The following COX17 variants were observed in gnomAD, a reference collection of about 807,000 sequenced individuals.
The protein encoded by COX17 is cytochrome c oxidase copper chaperone COX17, also known as cytochrome c oxidase copper chaperone.
COX17 carries 1 observed loss-of-function variant against 6.3 expected under a neutral mutation model. The observed-to-expected ratio is 0.16, with a 90% CI of 0.06 to 0.75. The LOEUF is 0.75. Ranked by LOEUF, COX17 falls within the 30% of genes least tolerant of loss-of-function variation. The pLI, the probability that COX17 is intolerant of heterozygous loss-of-function variation, is 0.77. For missense variants in COX17, 73 were observed against 81.2 expected, an observed-to-expected ratio of 0.90 and a Z score of 0.39; for synonymous variants, 26 against 30.5, an observed-to-expected ratio of 0.85 and a Z score of 0.49.
At chr3:119,673,484 C>A (rs1258581238) in intron 2 of COX17, among the ~76,000 whole-genome samples, 1 of 152,236 alleles carries the variant, frequency 6.6e-6, no homozygotes, top group African/African-American at 2.4e-5. Context: ...TTCAGTACCT[C>A]ACTCTCACCA....
chr3:119,677,038 G>C, intron 1 of COX17, 166 bp downstream of exon 1: 1 of 499,118 alleles, frequency 2.0e-6, no homozygotes, highest in Admixed American at 3.1e-5. Flanking sequence ...GGGGGGGGCA[G>C]ACAGGGAGGA....
At chr3:119,671,002 T>G (rs1245754614) in intron 2 of COX17, among the ~76,000 whole-genome samples, 1 of 152,170 alleles carries the variant, frequency 6.6e-6, no homozygotes, top group Non-Finnish European at 1.5e-5. Context: ...ATTACTCTTT[T>G]CAGTAAAAGC....
intron 1 of COX17, among the ~76,000 whole-genome samples, chr3:119,676,207 T>C (rs1331412021): frequency 1.3e-5 from 2 of 152,220 alleles, no homozygotes; most frequent in Non-Finnish European, 2.9e-5. Flanking sequence ...TCCCAGACTC[T>C]TAATCATGCT....
intron 2 of COX17, among the ~76,000 whole-genome samples, chr3:119,672,705 T>C (rs1470144719): frequency 6.6e-6 from 1 of 152,218 alleles, no homozygotes; most frequent in Non-Finnish European, 1.5e-5. Context: ...GCAACTTAAG[T>C]ATATCATTTA....
At chr3:119,671,169 A>G (rs918366634) in intron 2 of COX17, among the ~76,000 whole-genome samples, 1 of 152,210 alleles carries the variant, frequency 6.6e-6, no homozygotes, top group Non-Finnish European at 1.5e-5. Context: ...AGTGGTTGTT[A>G]AAGAGGAGTG....
chr3:119,668,545 C>CTTTTTTTT (rs35724558), downstream of COX17, among the ~76,000 whole-genome samples: 1 of 142,202 alleles, frequency 7.0e-6, no homozygotes, highest in Non-Finnish European at 1.5e-5. Flanking sequence ...ACTTCTATAC[C>CTTTTTTTT]TTTTTTTTTT....
chr3:119,675,023 G>GT (rs1405042690), intron 2 of COX17, 122 bp downstream of exon 2: 3 of 680,296 alleles, frequency 4.4e-6, no homozygotes, highest in African/African-American at 3.6e-5. Context: ...AAAAATCATG[G>GT]TTTTTTCAAA....
downstream of COX17, among the ~76,000 whole-genome samples, chr3:119,666,362 A>G (rs948749458): frequency 1.3e-5 from 2 of 152,204 alleles, no homozygotes; most frequent in South Asian, 4.1e-4. Context: ...GATGAAAATA[A>G]CTTGAGTCTT....
chr3:119,664,194 G>C (rs1212950234), intron 3 of COX17, among the ~76,000 whole-genome samples: 1 of 152,162 alleles, frequency 6.6e-6, no homozygotes, highest in Non-Finnish European at 1.5e-5. Flanking sequence ...TCAATCCATA[G>C]GGACTTTTAC....
chr3:119,676,925 A>G (rs1401928857), intron 1 of COX17: 1 of 694,524 alleles, frequency 1.4e-6, no homozygotes, highest in Non-Finnish European at 2.6e-6. Flanking sequence ...GTTTCCCGGT[A>G]CTAAGCTACG....
At chr3:119,676,644 T>G in intron 1 of COX17, 1 of 546,860 alleles carries the variant, frequency 1.8e-6, no homozygotes, top group Non-Finnish European at 3.3e-6. Context: ...CTCTGTGTCC[T>G]ACTGTCTCTA....
At position 119,670,623 on chromosome 3, in the gene COX17, G is replaced by A. The variant is rs752296969; in HGVS notation, c.*5-958C>T. ...ATCTCTGGATGTAAAGTCTTTGACTGGAGGGATAATCTTTCTCTCCTCAGT... is the reference window on the plus strand; with the variant it reads ...ATCTCTGGATGTAAAGTCTTTGACTAGAGGGATAATCTTTCTCTCCTCAGT... On this transcript the variant is annotated intron_variant, in intron 2 of 2. Transcript: ENST00000261070. 5.3e-5 allele frequency among the ~76,000 whole-genome samples: 8 copies of A among 152,238 alleles called. 1 individual carries two copies. Among genetic ancestry groups the A allele is most frequent in the Middle Eastern group, 3.4e-3 (1 of 294 alleles).
chr3:119,676,840 C>T lies in COX17; in HGVS notation c.107+364G>A, dbSNP rs1195811466. 3 of 702,686 alleles carry T rather than the reference C, an allele frequency of 4.3e-6. No individual in the cohort carries two copies. The African/African-American group carries it at 5.2e-5, about 12-fold the overall frequency. The allele number at this position is 702,686 out of a possible 1,614,324, so 43.5% of individuals were successfully genotyped here. On this transcript the variant is annotated intron_variant, in intron 1 of 2. Transcript: ENST00000261070. Reference sequence around the variant, plus strand: ...CTTCGGACCTAACGCAGTGCTTAACCCATAACAGATACTCAACACACATTT... The same window carrying T: ...CTTCGGACCTAACGCAGTGCTTAACTCATAACAGATACTCAACACACATTT...
intron 1 of COX17, 180 bp downstream of exon 1, chr3:119,677,024 G>GGGGC (rs1491478893): frequency 1.1e-3 from 13 of 11,828 alleles, no homozygotes; most frequent in African/African-American, 2.8e-3. Flanking sequence ...GGGGCGGGGC[G>GGGGC]GGGGGGGGGG....
chr3:119,677,061 G>A (rs1378801608), intron 1 of COX17, 143 bp downstream of exon 1: 32 of 677,512 alleles, frequency 4.7e-5, no homozygotes, highest in Non-Finnish European at 7.7e-5. Context: ...AGTGGGGGAA[G>A]GGGGGAAGGA....
chr3:119,668,432 T>G (rs980934747), downstream of COX17, among the ~76,000 whole-genome samples: 5 of 152,006 alleles, frequency 3.3e-5, no homozygotes, highest in African/African-American at 1.2e-4. Flanking sequence ...AATATTCAAG[T>G]AAAAATATAA....
At chr3:119,673,306 GAT>G (rs2053063450) in intron 2 of COX17, among the ~76,000 whole-genome samples, 1 of 152,138 alleles carries the variant, frequency 6.6e-6, no homozygotes, top group Non-Finnish European at 1.5e-5. Context: ...AGGTAGTGGG[GAT>G]ATGACAGTAA....
intron 1 of COX17, chr3:119,676,854 C>T (rs761168779): frequency 5.7e-6 from 4 of 702,884 alleles, no homozygotes; most frequent in Middle Eastern, 4.6e-4. Context: ...AACAGATACT[C>T]AACACACATT....
intron 2 of COX17, among the ~76,000 whole-genome samples, chr3:119,670,558 T>C: frequency 6.6e-6 from 1 of 152,192 alleles, no homozygotes; most frequent in Non-Finnish European, 1.5e-5. Flanking sequence ...CAAAAGGGGC[T>C]GTGTGGTGGA....
Sources: gnomAD v4.1 joint callset for allele counts (sites outside exome capture counted in the v4.1 genomes callset) on GRCh38, gnomAD v4.1.1 for gene constraint, MANE v1.5 for transcripts, NCBI Gene and HGNC (gene_info 2026-07-23, HGNC 2026-07-21) for gene names.